The following PPP2R2C variants were observed in gnomAD, a reference collection of about 807,000 sequenced individuals.
PPP2R2C encodes protein phosphatase 2 regulatory subunit Bgamma, also known as protein phosphatase 2, regulatory subunit B, gamma.
PPP2R2C carries 10 observed loss-of-function variants against 45.3 expected under a neutral mutation model. That is an observed-to-expected ratio of 0.22 (90% CI 0.14 to 0.37). PPP2R2C has a LOEUF of 0.37. Ranked by LOEUF, PPP2R2C falls within the 10% of genes least tolerant of loss-of-function variation. The pLI is 1.00. For synonymous variants in PPP2R2C, 257 were observed against 245.4 expected, an observed-to-expected ratio of 1.05 and a Z score of -0.44; for missense variants, 308 against 619.7, an observed-to-expected ratio of 0.50 and a Z score of 5.34.
intron 5 of PPP2R2C, among the ~76,000 whole-genome samples, chr4:6,358,923 G>A (rs890119098): frequency 8.5e-5 from 13 of 152,202 alleles, no homozygotes; most frequent in African/African-American, 3.1e-4. Flanking sequence ...CAACCATTGT[G>A]GAAAACAGTG....
At chr4:6,375,336 A>G (rs954721746) in intron 4 of PPP2R2C, among the ~76,000 whole-genome samples, 1 of 152,064 alleles carries the variant, frequency 6.6e-6, no homozygotes, top group Non-Finnish European at 1.5e-5. Context: ...GTTTCAGGGT[A>G]TGTCTGTTTC....
At chr4:6,441,097 T>C (rs1720127416) in intron 1 of PPP2R2C, among the ~76,000 whole-genome samples, 2 of 152,008 alleles carry the variant, frequency 1.3e-5, no homozygotes, top group Non-Finnish European at 2.9e-5. Context: ...GGACATGAGT[T>C]TCCAGTAACC....
intron 1 of PPP2R2C, among the ~76,000 whole-genome samples, chr4:6,400,967 A>G (rs563609920): frequency 4.2e-4 from 64 of 152,342 alleles, no homozygotes; most frequent in African/African-American, 1.5e-3. Context: ...CCATTCATAT[A>G]GACAGTGTGT....
At chr4:6,561,328 C>A (rs1366669660) in intron 1 of PPP2R2C, among the ~76,000 whole-genome samples, 2 of 152,172 alleles carry the variant, frequency 1.3e-5, no homozygotes, top group Non-Finnish European at 2.9e-5. Flanking sequence ...GGAAATAAAA[C>A]CACCATGACA....
intron 1 of PPP2R2C, among the ~76,000 whole-genome samples, chr4:6,419,693 C>CAG (rs1718841348): frequency 2.0e-5 from 3 of 152,170 alleles, no homozygotes; most frequent in Non-Finnish European, 4.4e-5. Context: ...AACAATCGAA[C>CAG]TTTATCCTCT....
intron 2 of PPP2R2C, among the ~76,000 whole-genome samples, chr4:6,484,848 T>C (rs1577215825): frequency 6.6e-6 from 1 of 151,928 alleles, no homozygotes; most frequent in Non-Finnish European, 1.5e-5. Flanking sequence ...ATTTTCTACA[T>C]AAATAATCAT....
At chr4:6,527,255 C>T (rs1396387572) in intron 2 of PPP2R2C, among the ~76,000 whole-genome samples, 1 of 152,216 alleles carries the variant, frequency 6.6e-6, no homozygotes, top group African/African-American at 2.4e-5. Context: ...GATCTGTCCC[C>T]TCTCAGGGCC....
Position 6,471,999 on chromosome 4 carries a change from GTGGGA to G in PPP2R2C, c.70+156_70+160del, listed in dbSNP as rs1001458410. On this transcript the variant is annotated intron_variant, in intron 1 of 8. Transcript: ENST00000382599. This position sits in a 1 kb window ranked among gnomAD's most constrained non-coding sequence, Gnocchi z 5.6. ...CCCTCCCTCCTGGGCCCCGGGCAGGGTGGGATGGGATGGGGTGGGGTGGGGTGGGA... is the reference window on the plus strand; with the variant it reads ...CCCTCCCTCCTGGGCCCCGGGCAGGGTGGGATGGGGTGGGGTGGGGTGGGA... 4.2e-5 allele frequency among the ~76,000 whole-genome samples: 6 copies of G among 143,906 alleles called. No homozygotes were observed. The highest frequency in any genetic ancestry group is 1.5e-4 in the African/African-American group (6 of 38,784). 94.4% of individuals were successfully genotyped at this position (143,906 alleles called of 152,430 possible). A position where few individuals can be genotyped will look rare whatever the true frequency, so the allele number is the denominator to read the frequency against.
At chr4:6,472,055 G>C in intron 1 of PPP2R2C, 105 bp downstream of exon 1, 1 of 1,385,924 alleles carries the variant, frequency 7.2e-7, no homozygotes, top group Non-Finnish European at 9.9e-7. Flanking sequence ...TGGGGCGGGG[G>C]GACACGACAC....
chr4:6,363,100 A>G (rs1316866375), intron 5 of PPP2R2C, among the ~76,000 whole-genome samples: 3 of 152,142 alleles, frequency 2.0e-5, no homozygotes, highest in Admixed American at 6.5e-5. Flanking sequence ...ATGGCTCACA[A>G]CGGGGTCAGC....
intron 2 of PPP2R2C, among the ~76,000 whole-genome samples, chr4:6,511,421 T>A (rs1206344391): frequency 7.8e-6 from 1 of 127,956 alleles, no homozygotes; most frequent in African/African-American, 3.7e-5. Flanking sequence ...GTGACAGTGA[T>A]GGTGGTGATG....
intron 1 of PPP2R2C, among the ~76,000 whole-genome samples, chr4:6,548,079 A>T (rs138180529): frequency 6.6e-6 from 1 of 152,052 alleles, no homozygotes; most frequent in East Asian, 1.9e-4. Flanking sequence ...TTAACCAGGC[A>T]TGGTGGTGGG....
intron 5 of PPP2R2C, among the ~76,000 whole-genome samples, chr4:6,352,541 C>A (rs1446752463): frequency 6.6e-6 from 1 of 152,226 alleles, no homozygotes; most frequent in Non-Finnish European, 1.5e-5. Context: ...TCCACTCCAA[C>A]TGTCTGGTGG....
chr4:6,345,299 C>T lies in PPP2R2C; in HGVS notation c.790+2547G>A, dbSNP rs1446326207. Among the ~76,000 whole-genome samples, 6 of 152,104 alleles carry T rather than the reference C, an allele frequency of 3.9e-5. No individual in the cohort carries two copies. Among genetic ancestry groups the T allele is most frequent in the South Asian group, 2.1e-4 (1 of 4,820 alleles). On this transcript the variant is annotated intron_variant, in intron 6 of 8. Coordinates refer to ENST00000382599, the MANE Select transcript of PPP2R2C (RefSeq NM_020416.4). This position sits in a 1 kb window ranked among gnomAD's most constrained non-coding sequence, Gnocchi z 5.3. ...GGCACATGTGGCCTGAGTGAATGGG[C>T]GGGAGGCGTAGGTGGGGGGGCAGTG...
chr4:6,410,206 T>A (rs933015922), intron 1 of PPP2R2C, among the ~76,000 whole-genome samples: 6 of 152,202 alleles, frequency 3.9e-5, no homozygotes, highest in Non-Finnish European at 7.4e-5. Context: ...GAGCTGTGAT[T>A]ATACCAGGCT....
chr4:6,461,826 C>T (rs1363034447), intron 1 of PPP2R2C, among the ~76,000 whole-genome samples: 1 of 152,356 alleles, frequency 6.6e-6, no homozygotes, highest in African/African-American at 2.4e-5. Flanking sequence ...AGGGGTGTCT[C>T]CCCTACAGAA....
intron 1 of PPP2R2C, among the ~76,000 whole-genome samples, chr4:6,395,100 C>A (rs1716933398): frequency 6.6e-6 from 1 of 152,138 alleles, no homozygotes; most frequent in South Asian, 2.1e-4. Flanking sequence ...TGACCCCATC[C>A]ACCCAGCAGC....
chr4:6,329,337 C>T lies in PPP2R2C; in HGVS notation c.977G>A (p.Arg326Gln), dbSNP rs374272092. 33 of 1,614,032 alleles carry T rather than the reference C, an allele frequency of 2.0e-5. No individual in the cohort carries two copies. Among genetic ancestry groups the T allele is most frequent in the South Asian group, 5.5e-5 (5 of 91,080 alleles). Reference protein sequence around the residue: ...IETYQVHDYLRSKLCSLYEND... With the variant: ...IETYQVHDYLQSKLCSLYEND... The stretch of plus-strand genomic sequence containing the variant: ...CTCGTACAGGGAACAGAGCTTGCTC[C>T]GAAGGTAGTCATGGACCTGGTGGGA... The change falls in exon 8 of 9, where the codon CGG becomes CAG. Residue 326 changes from arginine (R) to glutamine (Q), a missense_variant. By Grantham distance (43) the Arg-to-Gln change is conservative. Coordinates refer to ENST00000382599, the MANE Select transcript of PPP2R2C (RefSeq NM_020416.4). The surrounding 1 kb of genome is among the most constrained non-coding windows in gnomAD (Gnocchi z 5.8).
intron 1 of PPP2R2C, chr4:6,383,060 T>C: frequency 9.1e-7 from 1 of 1,095,718 alleles, no homozygotes; most frequent in Non-Finnish European, 1.1e-6. Flanking sequence ...TCTGGGCTTG[T>C]CCCTGTGTTT....
Sources: allele counts gnomAD v4.1 joint callset (sites outside exome capture counted in the v4.1 genomes callset), GRCh38; gene constraint gnomAD v4.1.1; non-coding constraint Gnocchi (gnomAD v3.1); transcripts MANE v1.5; gene names NCBI Gene and HGNC (gene_info 2026-07-23, HGNC 2026-07-21).